The following MGAT4C variants were observed in gnomAD, a reference collection of about 807,000 sequenced individuals.
The protein encoded by MGAT4C is MGAT4 family member C, also known as alpha-1,3-mannosyl-glycoprotein 4-beta-N-acetylglucosaminyltransferase C.
Under a neutral mutation model 40.1 loss-of-function variants are expected in MGAT4C, and 19 were observed. The observed-to-expected ratio is 0.47, with a 90% CI of 0.33 to 0.70. MGAT4C has a LOEUF of 0.70. Ranked by LOEUF, MGAT4C falls within the 30% of genes least tolerant of loss-of-function variation. MGAT4C has a pLI of 0.02. For missense variants in MGAT4C, 491 were observed against 563.2 expected, an observed-to-expected ratio of 0.87 and a Z score of 1.30; for synonymous variants, 181 against 187.1, an observed-to-expected ratio of 0.97 and a Z score of 0.27.
At chr12:86,345,271 ATTTTAT>A (rs1955003590) in intron 3 of MGAT4C, among the ~76,000 whole-genome samples, 1 of 151,164 alleles carries the variant, frequency 6.6e-6, no homozygotes, top group Admixed American at 6.6e-5. Flanking sequence ...TTTTTATTTT[ATTTTAT>A]TTTTATTATT....
chr12:86,532,475 A>C (rs1293602052), intron 2 of MGAT4C, among the ~76,000 whole-genome samples: 1 of 152,058 alleles, frequency 6.6e-6, no homozygotes, highest in African/African-American at 2.4e-5. Flanking sequence ...TGTACACCAC[A>C]GTAATTTTTC....
At chr12:86,777,886 C>G (rs1243505864) in intron 1 of MGAT4C, among the ~76,000 whole-genome samples, 1 of 152,154 alleles carries the variant, frequency 6.6e-6, no homozygotes, top group Non-Finnish European at 1.5e-5. Context: ...TATACGCAAA[C>G]TACCTATACA....
chr12:86,816,103 T>C (rs71452150), intron 1 of MGAT4C, among the ~76,000 whole-genome samples: 5 of 151,904 alleles, frequency 3.3e-5, no homozygotes, highest in Admixed American at 1.3e-4. Flanking sequence ...GAGTAGAAAA[T>C]TTGTTGATCT....
chr12:86,517,322 G>T (rs1481304292), intron 2 of MGAT4C, among the ~76,000 whole-genome samples: 1 of 151,944 alleles, frequency 6.6e-6, no homozygotes, highest in African/African-American at 2.4e-5. Context: ...TATACACTTA[G>T]TTCATGTCAC....
chr12:86,082,770 T>C (rs1871083421), intron 1 of MGAT4C, among the ~76,000 whole-genome samples: 2 of 152,272 alleles, frequency 1.3e-5, no homozygotes, highest in East Asian at 1.9e-4. Context: ...ATGGAAGGGT[T>C]TTTACAAATC....
intron 1 of MGAT4C, among the ~76,000 whole-genome samples, chr12:86,216,538 T>A (rs537696563): frequency 6.6e-6 from 1 of 152,356 alleles, no homozygotes; most frequent in African/African-American, 2.4e-5. Context: ...TAACATTTTT[T>A]AATTAAAATG....
chr12:86,448,253 T>C (rs1042606593), intron 2 of MGAT4C, among the ~76,000 whole-genome samples: 1 of 152,126 alleles, frequency 6.6e-6, no homozygotes, highest in Non-Finnish European at 1.5e-5. Flanking sequence ...TTGGAATCCT[T>C]TCCTTCTCAG....
In MGAT4C at chr12:86,315,826, G is replaced by A. The variant is rs140023217; in HGVS notation, c.-57+18239C>T. ...TCCTCAAAAGCAATGTAGCAAAAACGAAAATTGACAAGATTGACAAGTGGT... is the reference window on the plus strand; with the variant it reads ...TCCTCAAAAGCAATGTAGCAAAAACAAAAATTGACAAGATTGACAAGTGGT... On this transcript the variant is annotated intron_variant, in intron 4 of 7. Transcript: ENST00000548651. Among the ~76,000 whole-genome samples, 9 of 151,926 alleles carry A rather than the reference G, an allele frequency of 5.9e-5. No individual in the cohort carries two copies. In the East Asian group the frequency reaches 1.7e-3, roughly 29 times the overall value.
At chr12:86,108,073 T>C (rs980481656) in intron 1 of MGAT4C, among the ~76,000 whole-genome samples, 2 of 151,992 alleles carry the variant, frequency 1.3e-5, no homozygotes, top group South Asian at 4.1e-4. Flanking sequence ...AGCTGGAGAA[T>C]TGGAAAAATA....
At chr12:86,718,550 A>G (rs1284247282) in intron 2 of MGAT4C, among the ~76,000 whole-genome samples, 1 of 152,078 alleles carries the variant, frequency 6.6e-6, no homozygotes, top group Non-Finnish European at 1.5e-5. Context: ...CTCTCTGTAT[A>G]TGGTTTCTTT....
intron 2 of MGAT4C, among the ~76,000 whole-genome samples, chr12:86,725,575 C>T (rs1950808649): frequency 6.6e-6 from 1 of 152,118 alleles, no homozygotes; most frequent in Non-Finnish European, 1.5e-5. Context: ...ATTCTCCTGC[C>T]TCAGCCTCCC....
chr12:86,322,300 C>A (rs986852910), intron 4 of MGAT4C, among the ~76,000 whole-genome samples: 3 of 151,356 alleles, frequency 2.0e-5, no homozygotes, highest in African/African-American at 4.9e-5. Context: ...TGCAGCCCAC[C>A]AACATGGCAC....
At chr12:86,656,972 A>G (rs1008745893) in intron 2 of MGAT4C, among the ~76,000 whole-genome samples, 1 of 152,080 alleles carries the variant, frequency 6.6e-6, no homozygotes, top group African/African-American at 2.4e-5. Context: ...AGCCCATAAT[A>G]CCAGAAATGT....
At chr12:86,315,579 G>T (rs1292351206) in intron 4 of MGAT4C, among the ~76,000 whole-genome samples, 3 of 152,008 alleles carry the variant, frequency 2.0e-5, no homozygotes, top group Non-Finnish European at 1.5e-5. Flanking sequence ...GGTGGCGGGC[G>T]CCTGTAGTCC....
intron 1 of MGAT4C, among the ~76,000 whole-genome samples, chr12:86,174,465 G>T (rs11834686): frequency 0.042 from 6,316 of 152,130 alleles, 445 homozygotes; most frequent in African/African-American, 0.14. Context: ...TTACTGAAAG[G>T]TTAAATGTGA....
chr12:86,712,329 T>A (rs1049582207), intron 2 of MGAT4C, among the ~76,000 whole-genome samples: 3 of 152,100 alleles, frequency 2.0e-5, no homozygotes, highest in Admixed American at 6.6e-5. Flanking sequence ...AGCAAGAAAG[T>A]GTTTTCTGAA....
At chr12:86,088,449 G>C (rs1359781095) in intron 1 of MGAT4C, among the ~76,000 whole-genome samples, 2 of 151,630 alleles carry the variant, frequency 1.3e-5, no homozygotes, top group African/African-American at 4.8e-5. Context: ...ACAGAATAGT[G>C]GAAAATATTA....
chr12:86,678,740 C>T (rs1222804955), intron 2 of MGAT4C, among the ~76,000 whole-genome samples: 1 of 151,974 alleles, frequency 6.6e-6, no homozygotes, highest in South Asian at 2.1e-4. Context: ...TCATCCATGT[C>T]CCTACAAAGG....
chr12:86,161,657 G>T (rs1460233227), intron 1 of MGAT4C, among the ~76,000 whole-genome samples: 1 of 152,018 alleles, frequency 6.6e-6, no homozygotes, highest in African/African-American at 2.4e-5. Flanking sequence ...AGACAAGTGG[G>T]ACCTAATTAA....
Sources: gnomAD v4.1 joint callset for allele counts (sites outside exome capture counted in the v4.1 genomes callset) on GRCh38, gnomAD v4.1.1 for gene constraint, MANE v1.5 for transcripts, NCBI Gene and HGNC (gene_info 2026-07-23, HGNC 2026-07-21) for gene names.